Variants in ABHD6 observed in about 807,000 individuals in gnomAD.
The protein encoded by ABHD6 is abhydrolase domain containing 6, acylglycerol lipase.
In ABHD6, 33 loss-of-function variants were observed where a neutral mutation model predicts 38.8. That is an observed-to-expected ratio of 0.85 (90% CI 0.64 to 1.14). ABHD6 has a LOEUF of 1.14. ABHD6 is among the 50% of genes most tolerant of loss of function. The pLI is 0.00. For synonymous variants in ABHD6, 147 were observed against 161.6 expected (o/e 0.91, Z 0.69); for missense variants, 380 against 422.6 (o/e 0.90, Z 0.88).
chr3:58,280,968 C>T (rs2107467753), intron 7 of ABHD6, among the ~76,000 whole-genome samples: 1 of 152,272 alleles, frequency 6.6e-6, no homozygotes, highest in African/African-American at 2.4e-5. Flanking sequence ...CCTCTGGAAG[C>T]TTTGTCTCAG....
chr3:58,247,228 C>T (rs754824273), intron 1 of ABHD6, among the ~76,000 whole-genome samples: 1 of 151,902 alleles, frequency 6.6e-6, no homozygotes, highest in Non-Finnish European at 1.5e-5. Flanking sequence ...GTCTCTAACT[C>T]CTGGGCTCAA....
At position 58,293,502 on chromosome 3, in the gene ABHD6, A is replaced by T; in HGVS notation, c.838-87A>T. On this transcript the variant is annotated intron_variant, in intron 9 of 9. Transcript: ENST00000478253. This position sits in a 1 kb window ranked among gnomAD's most constrained non-coding sequence, Gnocchi z 4.4. ...TCCTCCTGCCCCACTGACCCCTGCC[A>T]GGCCTTGGTGGAAGTTCTGTCCACA... 6.9e-7 allele frequency: 1 copy of T among 1,452,412 alleles called. No individual in the cohort carries two copies. The highest frequency in any genetic ancestry group is 9.4e-7 in the Non-Finnish European group (1 of 1,067,122). The allele number at this position is 1,452,412 out of a possible 1,614,324, so 90.0% of individuals were successfully genotyped here.
At position 58,251,407 on chromosome 3, in the gene ABHD6, C is replaced by T. The variant is rs765002416; in HGVS notation, c.-26+1465C>T. Among the ~76,000 whole-genome samples the T allele has an allele frequency of 2.6e-5, 4 of 152,132 alleles. No homozygotes were observed. Among genetic ancestry groups the T allele is most frequent in the East Asian group, 1.9e-4 (1 of 5,184 alleles). On this transcript the variant is annotated intron_variant, in intron 2 of 9. Transcript: ENST00000478253. This position sits in a 1 kb window ranked among gnomAD's most constrained non-coding sequence, Gnocchi z 5.4. ...TATGAGATTCTATGAAAGTGTTTTA[C>T]GTTGTTTATTCTTGGATTTTACTTT... is the stretch of plus-strand genomic sequence containing the variant.
intron 9 of ABHD6, among the ~76,000 whole-genome samples, chr3:58,291,704 C>T (rs542991604): frequency 2.0e-5 from 3 of 152,216 alleles, no homozygotes; most frequent in Non-Finnish European, 4.4e-5. Flanking sequence ...ATTTGTAACG[C>T]TAACCAGCAA....
In ABHD6 at chr3:58,269,373, GCAC is replaced by G. The variant is rs1559777887; in HGVS notation, c.334_336del (p.Thr112del). On this transcript the variant is annotated inframe_deletion, in exon 5 of 10. Coordinates refer to ENST00000478253, the MANE Select transcript of ABHD6 (RefSeq NM_001320126.2). The surrounding 1 kb of genome is among the most constrained non-coding windows in gnomAD (Gnocchi z 4.4). ...TGCGTGGACATGCCAGGACATGAGG[GCAC>G]CACCCGCTCCTCCCTGGATGACCTG... is the stretch of plus-strand genomic sequence containing the variant. 3 of 1,613,838 alleles carry G rather than the reference GCAC, an allele frequency of 1.9e-6. No homozygotes were observed. The African/African-American group carries it at 4.0e-5, about 22-fold the overall frequency.
intron 7 of ABHD6, 148 bp from the exon 8 acceptor site, chr3:58,284,937 A>C (rs2097455847): frequency 7.3e-6 from 5 of 681,350 alleles, no homozygotes; most frequent in Non-Finnish European, 1.3e-5. Context: ...TGTGTGCTGC[A>C]TCATGGGAAT....
rs755162034 is a variant in ABHD6, at chr3:58,273,826, G to A, written c.524-832G>A. 6.6e-5 allele frequency among the ~76,000 whole-genome samples: 10 copies of A among 152,080 alleles called. No homozygotes were observed. Among genetic ancestry groups the A allele is most frequent in the Non-Finnish European group, 1.0e-4 (7 of 68,012 alleles). On this transcript the variant is annotated intron_variant, in intron 6 of 9. Coordinates refer to ENST00000478253, the MANE Select transcript of ABHD6 (RefSeq NM_001320126.2). This position sits in a 1 kb window ranked among gnomAD's most constrained non-coding sequence, Gnocchi z 4.8. ...TTGATAGGTGCAGCAAACCACCGTGGCACATGTATACCTATGTAACAAACC... is the reference window on the plus strand; with the variant it reads ...TTGATAGGTGCAGCAAACCACCGTGACACATGTATACCTATGTAACAAACC...
rs530184206 is a variant in ABHD6, at chr3:58,273,323, G to A, written c.524-1335G>A. The stretch of plus-strand genomic sequence containing the variant: ...ACCTGTAATCCCAACACTTTGGGAG[G>A]CTAAGAGAGGAGGATTGCTTGAGGC... On this transcript the variant is annotated intron_variant, in intron 6 of 9. Transcript: ENST00000478253. This position sits in a 1 kb window ranked among gnomAD's most constrained non-coding sequence, Gnocchi z 4.8. Among the ~76,000 whole-genome samples the A allele has an allele frequency of 6.6e-6, 1 of 152,176 alleles. No individual in the cohort carries two copies. The highest frequency in any genetic ancestry group is 6.6e-5 in the Admixed American group (1 of 15,266).
At position 58,266,471 on chromosome 3, in the gene ABHD6, A is replaced by T. The variant is rs1440927082; in HGVS notation, c.120-718A>T. ...ACCTGACCAAACAAACAACAAAAAA[A>T]AAAACCTTATGTATGCTCTCACATT... On this transcript the variant is annotated intron_variant, in intron 3 of 9. Coordinates refer to ENST00000478253, the MANE Select transcript of ABHD6 (RefSeq NM_001320126.2). The surrounding 1 kb of genome is among the most constrained non-coding windows in gnomAD (Gnocchi z 4.0). Among the ~76,000 whole-genome samples, 12 of 152,258 alleles carry T rather than the reference A, an allele frequency of 7.9e-5. No individual in the cohort carries two copies. Among genetic ancestry groups the T allele is most frequent in the Non-Finnish European group, 1.3e-4 (9 of 68,032 alleles).
chr3:58,284,003 CAG>C (rs564859863), intron 7 of ABHD6, among the ~76,000 whole-genome samples: 178 of 152,296 alleles, frequency 1.2e-3, no homozygotes, highest in African/African-American at 4.0e-3. Flanking sequence ...CACTTTCAGT[CAG>C]TGCACAGGAC....
chr3:58,250,431 C>T (rs764804258), intron 2 of ABHD6, among the ~76,000 whole-genome samples: 28 of 152,054 alleles, frequency 1.8e-4, no homozygotes, highest in Non-Finnish European at 2.6e-4. Flanking sequence ...CTACATGGGG[C>T]GGTCAGAGTT....
intron 9 of ABHD6, among the ~76,000 whole-genome samples, chr3:58,286,876 G>GTGTATATATATATATATA (rs1559784545): frequency 4.3e-4 from 18 of 42,072 alleles, no homozygotes; most frequent in Admixed American, 1.0e-3. Flanking sequence ...ATATGTATAT[G>GTGTATATATATATATATA]TATATATAAG....
chr3:58,256,852 A>G lies in ABHD6; in HGVS notation c.119+147A>G. The G allele has an allele frequency of 1.5e-6, 1 of 676,594 alleles. No individual in the cohort carries two copies. The highest frequency in any genetic ancestry group is 2.6e-5 in the East Asian group (1 of 37,826). The allele number at this position is 676,594 out of a possible 1,614,324, so 41.9% of individuals were successfully genotyped here. On this transcript the variant is annotated intron_variant, in intron 3 of 9. Transcript: ENST00000478253. The surrounding 1 kb of genome is among the most constrained non-coding windows in gnomAD (Gnocchi z 4.3). ...TTGAAAGGTACTCATCCTGTTTGGA[A>G]TTTTGGGAATGCTCTTGAAGAATAT...
At chr3:58,290,440 A>G (rs1179269227) in intron 9 of ABHD6, among the ~76,000 whole-genome samples, 1 of 61,384 alleles carries the variant, frequency 1.6e-5, no homozygotes, top group African/African-American at 6.9e-5. Flanking sequence ...CCCCTCACCT[A>G]CCGGATGGGG....
In ABHD6 at chr3:58,286,870, GTA is replaced by G. The variant is rs1315175509; in HGVS notation, c.837+1421_837+1422del. ...TGTGTGTGTATATATATATATATAT[GTA>G]TATGTATATATAAGTAGGTATCTTG... On this transcript the variant is annotated intron_variant, in intron 9 of 9. Coordinates refer to ENST00000478253, the MANE Select transcript of ABHD6 (RefSeq NM_001320126.2). Among the ~76,000 whole-genome samples, 4 of 75,042 alleles carry G rather than the reference GTA, an allele frequency of 5.3e-5. 1 individual carries two copies. The highest frequency in any genetic ancestry group is 8.7e-5 in the African/African-American group (2 of 23,110). 49.2% of individuals were successfully genotyped at this position (75,042 alleles called of 152,430 possible). A position where few individuals can be genotyped will look rare whatever the true frequency, so the allele number is the denominator to read the frequency against.
At chr3:58,239,809 T>TA (rs1414836250) in intron 1 of ABHD6, among the ~76,000 whole-genome samples, 1 of 151,696 alleles carries the variant, frequency 6.6e-6, no homozygotes, top group Non-Finnish European at 1.5e-5. Context: ...GGCGAGAAGT[T>TA]AGACTCAAAG....
chr3:58,281,748 TA>T (rs2097453457), intron 7 of ABHD6, among the ~76,000 whole-genome samples: 1 of 152,260 alleles, frequency 6.6e-6, no homozygotes, highest in Admixed American at 6.5e-5. Context: ...GTTATACTCT[TA>T]AAAATTGTTG....
rs1449790137 is a variant in ABHD6, at chr3:58,256,004, A to T, written c.-25-558A>T. 6.6e-6 allele frequency among the ~76,000 whole-genome samples: 1 copy of T among 151,566 alleles called. No individual in the cohort carries two copies. Among genetic ancestry groups the T allele is most frequent in the African/African-American group, 2.4e-5 (1 of 41,226 alleles). On this transcript the variant is annotated intron_variant, in intron 2 of 9. Transcript: ENST00000478253. This position sits in a 1 kb window ranked among gnomAD's most constrained non-coding sequence, Gnocchi z 4.3. ...AAGATTGAAAGGATAATATCATGTA[A>T]CCTTCACCTGGATTCCCCAGTGGTT...
chr3:58,249,589 G>A (rs2097428638), intron 1 of ABHD6, among the ~76,000 whole-genome samples: 1 of 152,170 alleles, frequency 6.6e-6, no homozygotes, highest in African/African-American at 2.4e-5. Flanking sequence ...ATCGTTCCAT[G>A]CTTGACTACT....
Sources: allele counts gnomAD v4.1 joint callset (sites outside exome capture counted in the v4.1 genomes callset), GRCh38; gene constraint gnomAD v4.1.1; non-coding constraint Gnocchi (gnomAD v3.1); transcripts MANE v1.5; gene names NCBI Gene and HGNC (gene_info 2026-07-23, HGNC 2026-07-21).